Variants in LARP4B observed in about 807,000 individuals in gnomAD.
The protein encoded by LARP4B is La ribonucleoprotein 4B.
Under a neutral mutation model 89.8 loss-of-function variants are expected in LARP4B, and 12 were observed. The ratio of observed to expected loss-of-function variants is 0.13; its 90% confidence interval spans 0.09 to 0.22. The LOEUF (loss-of-function observed/expected upper bound fraction) is 0.22. Among genes scored for constraint, LARP4B ranks in the 10% least tolerant of loss-of-function variants. The probability of loss-of-function intolerance (pLI) is 1.00; values close to 1 mark genes in which losing one functional copy is unlikely to be tolerated. For synonymous variants in LARP4B, 367 were observed against 363.3 expected, an observed-to-expected ratio of 1.01 and a Z score of -0.12; for missense variants, 757 against 947.7, an observed-to-expected ratio of 0.80 and a Z score of 2.64.
chr10:823,386 C>A (rs576899309), intron 13 of LARP4B, among the ~76,000 whole-genome samples: 1 of 152,308 alleles, frequency 6.6e-6, no homozygotes, highest in South Asian at 2.1e-4. Flanking sequence ...AAACTTGTTA[C>A]AGTTGCATTT....
the LARP4B span, among the ~76,000 whole-genome samples, chr10:945,807 G>A: frequency 1.6e-4 from 25 of 152,314 alleles, no homozygotes; most frequent in Admixed American, 1.3e-3. Context: ...AAATAAGGAA[G>A]TATTTATAGT....
the LARP4B span, among the ~76,000 whole-genome samples, chr10:947,919 G>A: frequency 1.1e-4 from 16 of 152,164 alleles, no homozygotes; most frequent in East Asian, 1.9e-3. Context: ...CACTGCACCC[G>A]GCCAATGAAA....
the LARP4B span, among the ~76,000 whole-genome samples, chr10:946,027 G>A: frequency 3.3e-5 from 5 of 152,138 alleles, no homozygotes; most frequent in East Asian, 1.9e-4. Flanking sequence ...GTTTTGTTAC[G>A]GCCAGCGGAG....
At chr10:927,991 T>A (rs937218376) in intron 1 of LARP4B, among the ~76,000 whole-genome samples, 6 of 151,840 alleles carry the variant, frequency 4.0e-5, no homozygotes, top group Admixed American at 3.9e-4. Flanking sequence ...GGCGGGCGAA[T>A]CACCTGCGGT....
Position 863,795 on chromosome 10 carries a change from A to G in LARP4B, c.378T>C (p.Ala126=). ...CATATTCTGAGGGACCCAGAGCGAGAGCGTTCATGTCTGCTGGGTCCGACT... is the reference window on the plus strand; with the variant it reads ...CATATTCTGAGGGACCCAGAGCGAGGGCGTTCATGTCTGCTGGGTCCGACT... The part of the protein sequence containing the change: ...PQESDPADMN[A]LALGPSEYDS... Residue 126 remains alanine, a synonymous_variant, in exon 5 of 18, where the codon GCT becomes GCC. Coordinates refer to ENST00000316157, the MANE Select transcript of LARP4B (RefSeq NM_015155.3). 1.2e-6 allele frequency: 2 copies of G among 1,614,116 alleles called. No individual in the cohort carries two copies. Among genetic ancestry groups the G allele is most frequent in the Non-Finnish European group, 1.7e-6 (2 of 1,180,004 alleles).
chr10:928,512 G>A (rs769975007), intron 1 of LARP4B, among the ~76,000 whole-genome samples: 22 of 152,164 alleles, frequency 1.4e-4, no homozygotes, highest in South Asian at 1.0e-3. Context: ...GCAAATCTAT[G>A]TAGAGTAGCT....
chr10:937,626 T>C, the LARP4B span, among the ~76,000 whole-genome samples: 1 of 152,166 alleles, frequency 6.6e-6, no homozygotes, highest in Admixed American at 6.6e-5. Flanking sequence ...GCCTCAGTTA[T>C]ATGGTATTCC....
In LARP4B at chr10:909,282, C is replaced by A. The variant is rs542863869; in HGVS notation, c.-40+22146G>T. 8.0e-3 allele frequency among the ~76,000 whole-genome samples: 1,023 copies of A among 127,386 alleles called. 11 individuals carry two copies. The highest frequency in any genetic ancestry group is 0.027 in the African/African-American group (893 of 33,426). The allele number at this position is 127,386 out of a possible 152,430, so 83.6% of individuals were successfully genotyped here. On this transcript the variant is annotated intron_variant, in intron 1 of 17. Transcript: ENST00000316157. ...GCAATCCAGCCTGGGCGACAGAGCA[C>A]GACTCCGTCTCAAAAAAAAAAAAAA...
At chr10:878,011 AG>A (rs1835523988) in intron 3 of LARP4B, among the ~76,000 whole-genome samples, 1 of 152,202 alleles carries the variant, frequency 6.6e-6, no homozygotes, top group Non-Finnish European at 1.5e-5. Flanking sequence ...AGACTGAGAA[AG>A]GTAAGAGCAT....
At chr10:825,024 A>G (rs1290745531) in intron 13 of LARP4B, 41 bp downstream of exon 13, 42 of 1,529,404 alleles carry the variant, frequency 2.7e-5, no homozygotes, top group Non-Finnish European at 3.6e-5. Context: ...TTTTTAAAAT[A>G]TTAGTTTATG....
At chr10:938,341 C>T in the LARP4B span, among the ~76,000 whole-genome samples, 6 of 151,446 alleles carry the variant, frequency 4.0e-5, no homozygotes, top group Admixed American at 2.6e-4. Flanking sequence ...AGCTCCGCCT[C>T]CCGGGTTCAC....
At chr10:882,222 G>A (rs886094980) in intron 3 of LARP4B, among the ~76,000 whole-genome samples, 1 of 151,536 alleles carries the variant, frequency 6.6e-6, no homozygotes, top group African/African-American at 2.4e-5. Context: ...AAATGGGTGA[G>A]TTTTACAGAA....
intron 1 of LARP4B, among the ~76,000 whole-genome samples, chr10:920,563 C>T (rs1046528477): frequency 4.0e-5 from 6 of 151,318 alleles, no homozygotes; most frequent in Non-Finnish European, 5.9e-5. Context: ...CACTTGAGGC[C>T]AGGAGTTGCA....
chr10:942,386 T>C, the LARP4B span: 1 of 152,238 alleles, frequency 6.6e-6, no homozygotes, highest in Non-Finnish European at 1.5e-5. Context: ...ATGTTCCTCC[T>C]CTCCCCTAAG....
chr10:973,766 A>AG, the LARP4B span, among the ~76,000 whole-genome samples: 6 of 152,172 alleles, frequency 3.9e-5, no homozygotes. Context: ...GAGCTTCCAG[A>AG]GGTTACATGC....
chr10:912,225 C>A (rs1199619597), intron 1 of LARP4B, among the ~76,000 whole-genome samples: 1 of 151,616 alleles, frequency 6.6e-6, no homozygotes, highest in Admixed American at 6.6e-5. Flanking sequence ...CCCTGGGCCA[C>A]ACTGATCTTG....
chr10:954,366 A>G, the LARP4B span, among the ~76,000 whole-genome samples: 2 of 152,162 alleles, frequency 1.3e-5, no homozygotes, highest in Non-Finnish European at 2.9e-5. This position sits in a 1 kb window ranked among gnomAD's most constrained non-coding sequence, Gnocchi z 5.0. Flanking sequence ...GACGCGGACG[A>G]AAAGGGGGCT....
intron 1 of LARP4B, among the ~76,000 whole-genome samples, chr10:905,654 TGGGGAGGG>T: frequency 6.7e-6 from 1 of 150,220 alleles, no homozygotes; most frequent in Non-Finnish European, 1.5e-5. Flanking sequence ...AAAGTGAACG[TGGGGAGGG>T]GAGGAGCTGA....
At chr10:951,623 C>T in the LARP4B span, among the ~76,000 whole-genome samples, 1 of 152,126 alleles carries the variant, frequency 6.6e-6, no homozygotes, top group African/African-American at 2.4e-5. Flanking sequence ...AACAGGAGAC[C>T]AAGTGGTGAC....
Sources: gnomAD v4.1 joint callset for allele counts (sites outside exome capture counted in the v4.1 genomes callset) on GRCh38, gnomAD v4.1.1 for gene constraint, Gnocchi (gnomAD v3.1) non-coding constraint, MANE v1.5 for transcripts, NCBI Gene and HGNC (gene_info 2026-07-23, HGNC 2026-07-21) for gene names.